The following PDGFC variants were observed in gnomAD, a reference collection of about 807,000 sequenced individuals.
PDGFC encodes the protein platelet derived growth factor C, also known as platelet-derived growth factor C.
Under a neutral mutation model 35.5 loss-of-function variants are expected in PDGFC, and 12 were observed. The observed-to-expected ratio is 0.34, with a 90% confidence interval of 0.22 to 0.55. PDGFC has a LOEUF of 0.55. Among genes scored for constraint, PDGFC ranks in the 20% least tolerant of loss-of-function variants. The probability of loss-of-function intolerance (pLI) is 0.91; values close to 1 mark genes in which losing one functional copy is unlikely to be tolerated. For synonymous variants in PDGFC, 159 were observed against 148.8 expected, an observed-to-expected ratio of 1.07 and a Z score of -0.50; for missense variants, 322 against 412.4, an observed-to-expected ratio of 0.78 and a Z score of 1.90.
At chr4:156,781,761 T>C (rs896095389) in intron 3 of PDGFC, among the ~76,000 whole-genome samples, 34 of 152,128 alleles carry the variant, frequency 2.2e-4, no homozygotes, top group African/African-American at 7.5e-4. Context: ...TGTGTGTCTG[T>C]AGGAACAGGT....
Position 156,777,833 on chromosome 4 carries a change from T to C in PDGFC, c.496-4940A>G, listed in dbSNP as rs538832430. Among the ~76,000 whole-genome samples the C allele has an allele frequency of 2.6e-5, 4 of 152,298 alleles. No individual in the cohort carries two copies. In the South Asian group the frequency reaches 8.3e-4, roughly 32 times the overall value. On this transcript the variant is annotated intron_variant, in intron 3 of 5. Coordinates refer to ENST00000502773, the MANE Select transcript of PDGFC (RefSeq NM_016205.3). ...CCTGTAAGGGCTCACACAGGTGCAG[T>C]GGCTCACACCTGTAATCCCAGCACT...
intron 3 of PDGFC, among the ~76,000 whole-genome samples, chr4:156,789,406 T>A (rs545220613): frequency 2.6e-5 from 4 of 152,268 alleles, no homozygotes; most frequent in African/African-American, 7.2e-5. Context: ...GATGATAGAC[T>A]CAGCTAAACA....
intron 2 of PDGFC, among the ~76,000 whole-genome samples, chr4:156,834,286 C>T (rs1245974076): frequency 6.6e-6 from 1 of 152,038 alleles, no homozygotes; most frequent in Non-Finnish European, 1.5e-5. Context: ...TTTGGATGTT[C>T]TTAATCCAGA....
At position 156,810,873 on chromosome 4, in the gene PDGFC, T is replaced by C; in HGVS notation, c.459A>G (p.Glu153=). 1 of 1,608,728 alleles carries C rather than the reference T, an allele frequency of 6.2e-7. No individual in the cohort carries two copies. The highest frequency in any genetic ancestry group is 1.1e-5 in the South Asian group (1 of 90,798). Residue 153 remains glutamate (E), a synonymous_variant, in exon 3 of 6, where the codon GAA becomes GAG. Transcript: ENST00000502773. ...TGTTGTAGTGGATGCAGAACCCTGG[T>C]TCAGAAGGAAAATATTCATCAGATA... ...RFVSDEYFPS[E]PGFCIHYNIV...
intron 2 of PDGFC, among the ~76,000 whole-genome samples, chr4:156,825,590 T>TAAGAAGAAGAAGAAGAAGAAGGAGAAG (rs1238405953): frequency 1.3e-5 from 1 of 78,374 alleles, no homozygotes; most frequent in African/African-American, 6.7e-5. Flanking sequence ...ATAATAATAA[T>TAAGAAGAAGAAGAAGAAGAAGGAGAAG]AATAAGAAGA....
intron 2 of PDGFC, 144 bp downstream of exon 2, chr4:156,850,077 T>C (rs967261348): frequency 4.2e-5 from 20 of 480,916 alleles, no homozygotes; most frequent in Non-Finnish European, 5.8e-5. Context: ...AAATAAAACA[T>C]AGCTTCAATA....
At chr4:156,897,540 A>G (rs1309158800) in intron 1 of PDGFC, among the ~76,000 whole-genome samples, 1 of 152,122 alleles carries the variant, frequency 6.6e-6, no homozygotes, top group Non-Finnish European at 1.5e-5. Flanking sequence ...TCCTATCAGG[A>G]CAGAGGCTGA....
chr4:156,778,463 GC>G (rs1232261545), intron 3 of PDGFC, among the ~76,000 whole-genome samples: 1 of 152,016 alleles, frequency 6.6e-6, no homozygotes, highest in Non-Finnish European at 1.5e-5. Context: ...AGCAAGTTTG[GC>G]TGCAAAAGTT....
At chr4:156,792,166 A>G (rs1215164472) in intron 3 of PDGFC, among the ~76,000 whole-genome samples, 1 of 152,186 alleles carries the variant, frequency 6.6e-6, no homozygotes, top group Admixed American at 6.6e-5. Flanking sequence ...TAAATTCAAA[A>G]GTAGCACACT....
intron 1 of PDGFC, among the ~76,000 whole-genome samples, chr4:156,870,350 C>A (rs915485005): frequency 3.3e-5 from 5 of 151,974 alleles, no homozygotes; most frequent in African/African-American, 1.2e-4. Context: ...GAAAATAAAT[C>A]TTAAAGTGTT....
chr4:156,882,478 C>T (rs977759569), intron 1 of PDGFC, among the ~76,000 whole-genome samples: 1 of 152,052 alleles, frequency 6.6e-6, no homozygotes, highest in Non-Finnish European at 1.5e-5. Flanking sequence ...AAGTATAAGA[C>T]AACCTAAGAA....
chr4:156,877,769 T>C (rs1447974189), intron 1 of PDGFC, among the ~76,000 whole-genome samples: 2 of 152,172 alleles, frequency 1.3e-5, no homozygotes, highest in African/African-American at 4.8e-5. Context: ...CTCTTCTGAG[T>C]TCATCCCTTT....
intron 3 of PDGFC, among the ~76,000 whole-genome samples, chr4:156,787,177 A>G (rs1731150961): frequency 6.6e-6 from 1 of 152,208 alleles, no homozygotes; most frequent in African/African-American, 2.4e-5. Flanking sequence ...ATCTAGAAAC[A>G]TTGTCATAAT....
intron 2 of PDGFC, among the ~76,000 whole-genome samples, chr4:156,832,694 C>T (rs1335757852): frequency 3.9e-5 from 6 of 152,184 alleles, no homozygotes; most frequent in Non-Finnish European, 5.9e-5. Flanking sequence ...GTTTGAACTG[C>T]GTGGGTCCAG....
chr4:156,826,360 G>A (rs1019508093), intron 2 of PDGFC, among the ~76,000 whole-genome samples: 2 of 151,314 alleles, frequency 1.3e-5, no homozygotes, highest in South Asian at 2.1e-4. Flanking sequence ...CTGCCACCTC[G>A]CCCAACTAAT....
rs569939022 is a variant in PDGFC, at chr4:156,849,061, A to G, written c.314+1160T>C. Reference sequence around the variant, plus strand: ...TGCAATTTTTGACAAGATTATGTTTATATATAAAAAAAGACAAGAGGTGCA... The same window carrying G: ...TGCAATTTTTGACAAGATTATGTTTGTATATAAAAAAAGACAAGAGGTGCA... On this transcript the variant is annotated intron_variant, in intron 2 of 5. Coordinates refer to ENST00000502773, the MANE Select transcript of PDGFC (RefSeq NM_016205.3). 2.0e-4 allele frequency among the ~76,000 whole-genome samples: 31 copies of G among 152,148 alleles called. No homozygotes were observed. The South Asian group carries it at 5.4e-3, about 26-fold the overall frequency.
chr4:156,837,392 T>C (rs1412724958), intron 2 of PDGFC, among the ~76,000 whole-genome samples: 1 of 151,872 alleles, frequency 6.6e-6, no homozygotes, highest in African/African-American at 2.4e-5. Context: ...ATAATAACAA[T>C]AATGCTAATT....
intron 4 of PDGFC, among the ~76,000 whole-genome samples, chr4:156,772,122 T>G (rs567218839): frequency 2.0e-5 from 3 of 150,462 alleles, no homozygotes; most frequent in African/African-American, 7.5e-5. Flanking sequence ...TGGGTTCTTT[T>G]AGGTTCTTGT....
At chr4:156,809,622 T>C (rs1731876267) in intron 3 of PDGFC, among the ~76,000 whole-genome samples, 1 of 151,978 alleles carries the variant, frequency 6.6e-6, no homozygotes, top group African/African-American at 2.4e-5. Context: ...AATACATACA[T>C]ATAGTATGCT....
Sources: allele counts gnomAD v4.1 joint callset (sites outside exome capture counted in the v4.1 genomes callset), GRCh38; gene constraint gnomAD v4.1.1; transcripts MANE v1.5; gene names NCBI Gene and HGNC (gene_info 2026-07-23, HGNC 2026-07-21).